SEPTIN7: variants seen among roughly 807,000 people sequenced by gnomAD.
SEPTIN7 encodes septin-7.
SEPTIN7 carries 10 observed loss-of-function variants against 63.3 expected under a neutral mutation model. The observed-to-expected ratio is 0.16, with a 90% CI of 0.10 to 0.27. SEPTIN7 has a LOEUF of 0.27. Among genes scored for constraint, SEPTIN7 ranks in the 10% least tolerant of loss-of-function variants. The pLI is 1.00. For synonymous variants in SEPTIN7, 131 were observed against 165.3 expected (o/e 0.79, Z 1.59); for missense variants, 310 against 521.0 (o/e 0.59, Z 3.94).
chr7:35,848,863 A>G (rs907872190), intron 3 of SEPTIN7, among the ~76,000 whole-genome samples: 5 of 152,314 alleles, frequency 3.3e-5, no homozygotes, highest in South Asian at 4.1e-4. Context: ...GAATGCTTCT[A>G]TTTCTGAGTA....
chr7:35,890,253 A>G (rs577669964), intron 10 of SEPTIN7, among the ~76,000 whole-genome samples: 1 of 152,214 alleles, frequency 6.6e-6, no homozygotes, highest in Non-Finnish European at 1.5e-5. Context: ...ATTATTATGT[A>G]TTAATAAAAA....
intron 4 of SEPTIN7, among the ~76,000 whole-genome samples, 197 bp downstream of exon 4, chr7:35,863,855 C>G (rs1039312934): frequency 6.7e-6 from 1 of 149,974 alleles, no homozygotes; most frequent in Admixed American, 6.7e-5. Context: ...GCTAGAACTT[C>G]CCAAATTTGT....
At chr7:35,805,476 T>G (rs1788271380) in intron 1 of SEPTIN7, among the ~76,000 whole-genome samples, 1 of 152,224 alleles carries the variant, frequency 6.6e-6, no homozygotes. Flanking sequence ...TCTCAATTTG[T>G]GTTTCTCTGA....
In SEPTIN7 at chr7:35,904,365, C is replaced by A; in HGVS notation, c.*72C>A. 1 of 1,272,674 alleles carries A rather than the reference C, an allele frequency of 7.9e-7. No individual in the cohort carries two copies. Among genetic ancestry groups the A allele is most frequent in the Non-Finnish European group, 1.1e-6 (1 of 929,074 alleles). The allele number at this position is 1,272,674 out of a possible 1,614,324, so 78.8% of individuals were successfully genotyped here. ...CTTGGACATCAGTGTTTGTTGGATC[C>A]GTTTGACCAATTTGCACCAGTTTTA... On this transcript the variant is annotated 3_prime_UTR_variant, in exon 14 of 14. Coordinates refer to ENST00000350320, the MANE Select transcript of SEPTIN7 (RefSeq NM_001788.6).
At chr7:35,811,609 G>A (rs2115707348) in intron 1 of SEPTIN7, among the ~76,000 whole-genome samples, 1 of 152,306 alleles carries the variant, frequency 6.6e-6, no homozygotes, top group Middle Eastern at 3.4e-3. Flanking sequence ...AGGCGGGCAT[G>A]GTGGCAGTGG....
At chr7:35,872,817 T>A in intron 5 of SEPTIN7, 51 bp downstream of exon 5, 1 of 1,217,586 alleles carries the variant, frequency 8.2e-7, no homozygotes, top group Non-Finnish European at 1.2e-6. Context: ...GGTACTGGGG[T>A]GGTTAAACTT....
chr7:35,826,292 T>C, intron 1 of SEPTIN7, among the ~76,000 whole-genome samples: 2 of 151,722 alleles, frequency 1.3e-5, no homozygotes. Flanking sequence ...TAATATCTTT[T>C]CCTTTTGTAG....
At chr7:35,830,366 T>G (rs532224387) in intron 1 of SEPTIN7, among the ~76,000 whole-genome samples, 7 of 152,268 alleles carry the variant, frequency 4.6e-5, no homozygotes, top group African/African-American at 1.7e-4. Flanking sequence ...CTTGCTAGGC[T>G]TTGTTGGCTA....
chr7:35,815,377 G>C (rs1451894523), intron 1 of SEPTIN7, among the ~76,000 whole-genome samples: 1 of 152,168 alleles, frequency 6.6e-6, no homozygotes, highest in African/African-American at 2.4e-5. Flanking sequence ...TTTTGTATAT[G>C]TGTGTAAAAA....
In SEPTIN7 at chr7:35,876,977, A is replaced by C. The variant is rs73324347; in HGVS notation, c.513-2846A>C. Among the ~76,000 whole-genome samples, 443 of 152,156 alleles carry C rather than the reference A, an allele frequency of 2.9e-3. 4 individuals are homozygous for C. Among genetic ancestry groups the C allele is most frequent in the African/African-American group, 9.6e-3 (399 of 41,508 alleles). On this transcript the variant is annotated intron_variant, in intron 6 of 13. Transcript: ENST00000350320. ...AGAGTGAAACTAAAAAAAGAAAAAA[A>C]AATTAGCTGGGCCTGGGGGTGCACT...
chr7:35,808,587 T>C (rs1306763094), intron 1 of SEPTIN7, among the ~76,000 whole-genome samples: 4 of 152,196 alleles, frequency 2.6e-5, no homozygotes. Flanking sequence ...CCAGCAGGTT[T>C]GGCGTCTCTG....
chr7:35,864,427 T>C (rs899111400), intron 4 of SEPTIN7, among the ~76,000 whole-genome samples: 4 of 152,172 alleles, frequency 2.6e-5, no homozygotes, highest in African/African-American at 9.7e-5. Context: ...AGATATGTAC[T>C]TTTTATTAAA....
chr7:35,889,791 G>A (rs758154473), intron 10 of SEPTIN7, among the ~76,000 whole-genome samples: 9 of 152,052 alleles, frequency 5.9e-5, no homozygotes, highest in South Asian at 4.1e-4. Flanking sequence ...CAATCTGCCC[G>A]CCCCGGCCTC....
intron 1 of SEPTIN7, among the ~76,000 whole-genome samples, chr7:35,806,672 G>A (rs1562728712): frequency 6.6e-6 from 1 of 152,146 alleles, no homozygotes; most frequent in African/African-American, 2.4e-5. Context: ...AGAGTTTCTT[G>A]TGCCCTGTTG....
intron 6 of SEPTIN7, among the ~76,000 whole-genome samples, chr7:35,874,441 T>C (rs1786347889): frequency 1.3e-5 from 2 of 152,138 alleles, no homozygotes; most frequent in Admixed American, 6.5e-5. Flanking sequence ...ATATGTGTTA[T>C]TGACAACTGC....
chr7:35,906,390 C>G lies in SEPTIN7; in HGVS notation c.*2097C>G, dbSNP rs1316006433. On this transcript the variant is annotated 3_prime_UTR_variant, in exon 14 of 14. Transcript: ENST00000350320. Reference sequence around the variant, plus strand: ...TAGGTATATCAGAAGGTTCTTTTTGCCATTTGGCCTGTGGATGTCTGAGAA... The same window carrying G: ...TAGGTATATCAGAAGGTTCTTTTTGGCATTTGGCCTGTGGATGTCTGAGAA... 1 of 152,042 alleles carries G rather than the reference C, an allele frequency of 6.6e-6. No individual in the cohort carries two copies. The allele number at this position is 152,042 out of a possible 1,614,324, so 9.4% of individuals were successfully genotyped here.
At chr7:35,832,171 G>C in intron 2 of SEPTIN7, 1 of 447,026 alleles carries the variant, frequency 2.2e-6, no homozygotes. Context: ...TTAAAACCTG[G>C]ATAAACCTGA....
intron 3 of SEPTIN7, among the ~76,000 whole-genome samples, chr7:35,847,731 C>G (rs895778652): frequency 3.9e-5 from 6 of 151,964 alleles, no homozygotes; most frequent in Non-Finnish European, 8.8e-5. Context: ...GTACAGTACT[C>G]TTTTATTTTT....
chr7:35,898,481 A>AT lies in SEPTIN7; in HGVS notation c.1134+104dup, dbSNP rs146179506. 1.8e-3 allele frequency: 1,387 copies of AT among 780,700 alleles called. 8 individuals are homozygous for AT. In the African/African-American group the frequency reaches 0.022, roughly 12 times the overall value. The allele number at this position is 780,700 out of a possible 1,614,324, so 48.4% of individuals were successfully genotyped here. A position where few individuals can be genotyped will look rare whatever the true frequency, so the allele number is the denominator to read the frequency against. ...TAGATAATATAACCTTTTTATACAT[A>AT]TTTTTTCAAAATTAATACCCTAGTG... On this transcript the variant is annotated intron_variant, in intron 12 of 13. Coordinates refer to ENST00000350320, the MANE Select transcript of SEPTIN7 (RefSeq NM_001788.6).
Sources: gnomAD v4.1 joint callset for allele counts (sites outside exome capture counted in the v4.1 genomes callset) on GRCh38, gnomAD v4.1.1 for gene constraint, MANE v1.5 for transcripts, NCBI Gene and HGNC (gene_info 2026-07-23, HGNC 2026-07-21) for gene names.